BLK: variants seen among roughly 807,000 people sequenced by gnomAD.
BLK encodes the protein BLK proto-oncogene, Src family tyrosine kinase.
A neutral mutation model predicts 61.8 loss-of-function variants in BLK; 64 were observed. The observed-to-expected ratio is 1.03, with a 90% confidence interval of 0.85 to 1.27. BLK has a LOEUF of 1.27. Ranked by LOEUF, BLK falls within the 50% of genes most tolerant of loss-of-function variation. The pLI is 0.00. For missense variants in BLK, 853 were observed against 660.5 expected, an observed-to-expected ratio of 1.29 and a Z score of -3.19; for synonymous variants, 351 against 272.0, an observed-to-expected ratio of 1.29 and a Z score of -2.86.
Position 11,521,534 on chromosome 8 carries a change from G to A in BLK, c.-1-21690G>A, listed in dbSNP as rs187126237. Among the ~76,000 whole-genome samples, 5 of 152,328 alleles carry A rather than the reference G, an allele frequency of 3.3e-5. No individual in the cohort carries two copies. In the East Asian group the frequency reaches 7.7e-4, roughly 23 times the overall value. On this transcript the variant is annotated intron_variant, in intron 1 of 12. Transcript: ENST00000259089. The stretch of plus-strand genomic sequence containing the variant: ...TCGAATTCCTGGGCTTAAGTGGTAC[G>A]CCCACCTTAGCCTCCCAAAGTGCTG...
intron 8 of BLK, 115 bp from the exon 9 acceptor site, chr8:11,556,543 G>A: frequency 7.7e-7 from 1 of 1,300,968 alleles, no homozygotes; most frequent in Non-Finnish European, 1.1e-6. Flanking sequence ...GCATGTTCCA[G>A]CTCTGGCACC....
intron 1 of BLK, among the ~76,000 whole-genome samples, chr8:11,499,791 T>C (rs989431305): frequency 6.6e-6 from 1 of 152,176 alleles, no homozygotes. Context: ...CCAATTTGCA[T>C]CTAACCACTA....
At chr8:11,547,625 C>A (rs1019291040) in intron 3 of BLK, among the ~76,000 whole-genome samples, 1 of 152,168 alleles carries the variant, frequency 6.6e-6, no homozygotes, top group African/African-American at 2.4e-5. Context: ...GCAGGCGGGG[C>A]AGAGGAGGAA....
chr8:11,535,265 A>AAAG (rs2117399042), intron 1 of BLK, among the ~76,000 whole-genome samples: 1 of 82,982 alleles, frequency 1.2e-5, no homozygotes, highest in South Asian at 5.1e-4. Context: ...AAGAAAGAAG[A>AAAG]AAGAAAGAAA....
Position 11,555,375 on chromosome 8 carries a change from G to A in BLK, c.663G>A (p.Val221=). Residue 221 remains valine, a synonymous_variant, in exon 8 of 13, where the codon GTG becomes GTA. Transcript: ENST00000259089. ...GLCQRLTLPC[V]RPAPQNPWAQ... is the part of the protein sequence containing the mutation. ...GCCAGAGGCTGACCCTGCCCTGTGTGCGCCCGGCCCCGCAGAATCCCTGGG... is the reference window on the plus strand; with the variant it reads ...GCCAGAGGCTGACCCTGCCCTGTGTACGCCCGGCCCCGCAGAATCCCTGGG... 6.2e-7 allele frequency: 1 copy of A among 1,614,144 alleles called. No homozygotes were observed. The highest frequency in any genetic ancestry group is 8.5e-7 in the Non-Finnish European group (1 of 1,180,028).
At chr8:11,527,979 A>G (rs1799732234) in intron 1 of BLK, among the ~76,000 whole-genome samples, 1 of 152,058 alleles carries the variant, frequency 6.6e-6, no homozygotes, top group Non-Finnish European at 1.5e-5. Context: ...TTAGTCTTAC[A>G]AGGGTGATTT....
chr8:11,564,025 G>C lies in BLK; in HGVS notation c.1435G>C (p.Glu479Gln), dbSNP rs538660229. 1.2e-6 allele frequency: 2 copies of C among 1,604,762 alleles called. No homozygotes were observed. Among genetic ancestry groups the C allele is most frequent in the East Asian group, 4.5e-5 (2 of 44,806 alleles). The change falls in exon 13 of 13, where the codon GAG becomes CAG. Residue 479 changes from glutamate (E) to glutamine (Q), a missense_variant. Transcript: ENST00000259089. ...IAECWRSRPE[E>Q]RPTFEFLQSV... Reference sequence around the variant, plus strand: ...CGAGTGCTGGCGCAGCCGGCCCGAGGAGCGGCCCACCTTCGAGTTCCTGCA... The same window carrying C: ...CGAGTGCTGGCGCAGCCGGCCCGAGCAGCGGCCCACCTTCGAGTTCCTGCA...
chr8:11,535,787 T>C (rs1280414667), intron 1 of BLK, among the ~76,000 whole-genome samples: 2 of 152,184 alleles, frequency 1.3e-5, no homozygotes, highest in Admixed American at 6.5e-5. Context: ...CGACAGCATC[T>C]CTACCAAGAG....
intron 3 of BLK, 102 bp from the exon 4 acceptor site, chr8:11,547,929 TG>T: frequency 9.9e-7 from 1 of 1,008,610 alleles, no homozygotes; most frequent in Non-Finnish European, 1.6e-6. Context: ...ATTTCCATCG[TG>T]GGCAAGCAGA....
intron 1 of BLK, among the ~76,000 whole-genome samples, chr8:11,533,673 G>A (rs549965830): frequency 3.5e-5 from 5 of 144,062 alleles, no homozygotes; most frequent in African/African-American, 1.3e-4. Flanking sequence ...GAGGGAGGGA[G>A]ATGGGGAGGG....
At chr8:11,500,204 T>C (rs867626822) in intron 1 of BLK, among the ~76,000 whole-genome samples, 1 of 152,188 alleles carries the variant, frequency 6.6e-6, no homozygotes, top group Admixed American at 6.6e-5. Flanking sequence ...TTTTTGTTGT[T>C]GTTGTTTGAG....
At chr8:11,500,849 T>C (rs1207038836) in intron 1 of BLK, among the ~76,000 whole-genome samples, 1 of 152,216 alleles carries the variant, frequency 6.6e-6, no homozygotes, top group Non-Finnish European at 1.5e-5. Flanking sequence ...AATTATTTCA[T>C]TTTAAGATTC....
rs1001683054 is a variant in BLK, at chr8:11,494,774, A to C, written c.-2+183A>C. Among the ~76,000 whole-genome samples the C allele has an allele frequency of 4.6e-5, 7 of 152,182 alleles. 1 individual carries two copies. Among genetic ancestry groups the C allele is most frequent in the African/African-American group, 1.7e-4 (7 of 41,446 alleles). ...ATTGCTCCATGGTTTGTGCATTTCC[A>C]GTTTTGAGAATTTTTAATTTATAAA... On this transcript the variant is annotated intron_variant, in intron 1 of 12. Transcript: ENST00000259089.
intron 10 of BLK, chr8:11,558,670 C>A: frequency 2.2e-6 from 1 of 456,278 alleles, no homozygotes; most frequent in South Asian, 1.5e-5. Context: ...ACTTTCTGGA[C>A]TCCATGGGGT....
At chr8:11,558,181 C>T in intron 10 of BLK, 143 bp downstream of exon 10, 1 of 807,402 alleles carries the variant, frequency 1.2e-6, no homozygotes, top group South Asian at 1.4e-5. Flanking sequence ...AGGCAGATAT[C>T]CCCAAGGTCA....
At chr8:11,501,918 C>A (rs1441059961) in intron 1 of BLK, among the ~76,000 whole-genome samples, 1 of 152,224 alleles carries the variant, frequency 6.6e-6, no homozygotes, top group Non-Finnish European at 1.5e-5. Flanking sequence ...TTGTGCTACT[C>A]ACAGTGTTCT....
chr8:11,546,476 G>A (rs569586345), intron 3 of BLK, among the ~76,000 whole-genome samples: 105 of 152,246 alleles, frequency 6.9e-4, no homozygotes, highest in Middle Eastern at 3.4e-3. Flanking sequence ...GCCCCTGTCC[G>A]CTCTATGTGG....
chr8:11,535,363 G>A (rs995218580), intron 1 of BLK, among the ~76,000 whole-genome samples: 2 of 151,716 alleles, frequency 1.3e-5, no homozygotes, highest in Non-Finnish European at 2.9e-5. Flanking sequence ...AGGAAAGGAA[G>A]GGATATATTG....
Position 11,561,288 on chromosome 8 carries a change from G to A in BLK, c.1030-14G>A, listed in dbSNP as rs1008427991. Reference sequence around the variant, plus strand: ...GCCCCCAGGCTGTCCTTCACCATGTGCCTGTTCCCTCAGATTGCTGAAGGG... The same window carrying A: ...GCCCCCAGGCTGTCCTTCACCATGTACCTGTTCCCTCAGATTGCTGAAGGG... On this transcript the variant is annotated splice_polypyrimidine_tract_variant and intron_variant, in intron 10 of 12. Coordinates refer to ENST00000259089, the MANE Select transcript of BLK (RefSeq NM_001715.3). The A allele has an allele frequency of 5.6e-6, 9 of 1,611,536 alleles. No homozygotes were observed. Among genetic ancestry groups the A allele is most frequent in the Non-Finnish European group, 6.8e-6 (8 of 1,178,892 alleles).
Sources: gnomAD v4.1 joint callset for allele counts (sites outside exome capture counted in the v4.1 genomes callset) on GRCh38, gnomAD v4.1.1 for gene constraint, MANE v1.5 for transcripts, NCBI Gene and HGNC (gene_info 2026-07-23, HGNC 2026-07-21) for gene names.